The following ADGRL2 variants were observed in gnomAD, a reference collection of about 807,000 sequenced individuals.
The protein encoded by ADGRL2 is adhesion G protein-coupled receptor L2.
Under a neutral mutation model 157.4 loss-of-function variants are expected in ADGRL2, and 44 were observed. That is an observed-to-expected ratio of 0.28 (90% CI 0.22 to 0.36). The LOEUF (loss-of-function observed/expected upper bound fraction) is 0.36, where lower values mean the gene tolerates loss of function less well. ADGRL2 is among the 10% of genes least tolerant of loss of function. The probability of loss-of-function intolerance (pLI) is 1.00; values close to 1 mark genes in which losing one functional copy is unlikely to be tolerated. For missense variants in ADGRL2, 1,510 were observed against 1,768.9 expected (o/e 0.85, Z 2.63); for synonymous variants, 585 against 624.7 (o/e 0.94, Z 0.95).
At chr1:81,748,649 C>T (rs143083872) in intron 1 of ADGRL2, among the ~76,000 whole-genome samples, 4 of 146,694 alleles carry the variant, frequency 2.7e-5, no homozygotes, top group Admixed American at 2.0e-4. Context: ...TCTCTTATTT[C>T]TCATTCATTC....
At chr1:81,547,042 G>A (rs1451274003) in intron 2 of ADGRL2, among the ~76,000 whole-genome samples, 1 of 152,122 alleles carries the variant, frequency 6.6e-6, no homozygotes, top group Non-Finnish European at 1.5e-5. Flanking sequence ...TGAAAATAAT[G>A]ATTCCCAACT....
At chr1:81,739,404 A>G (rs1447331090) in intron 1 of ADGRL2, among the ~76,000 whole-genome samples, 1 of 152,222 alleles carries the variant, frequency 6.6e-6, no homozygotes, top group Non-Finnish European at 1.5e-5. Context: ...TAAATTATTC[A>G]TGGTTTGACA....
chr1:81,651,792 G>T (rs1166934976), intron 3 of ADGRL2, among the ~76,000 whole-genome samples: 1 of 152,114 alleles, frequency 6.6e-6, no homozygotes, highest in East Asian at 1.9e-4. Context: ...ACGTGCAAGT[G>T]GTGCAATCAT....
chr1:81,653,320 G>GTT (rs375033003), intron 3 of ADGRL2, among the ~76,000 whole-genome samples: 1,603 of 135,394 alleles, frequency 0.012, 19 homozygotes, highest in South Asian at 0.027. Context: ...AACCTTTAGG[G>GTT]TTTTTTTTTT....
At chr1:81,827,301 G>T (rs141969967) in intron 1 of ADGRL2, among the ~76,000 whole-genome samples, 1 of 152,152 alleles carries the variant, frequency 6.6e-6, no homozygotes, top group African/African-American at 2.4e-5. Context: ...TAGCTATGGT[G>T]ACAGGAATTT....
chr1:81,600,773 G>A (rs1243253380), intron 3 of ADGRL2, among the ~76,000 whole-genome samples: 1 of 152,198 alleles, frequency 6.6e-6, no homozygotes, highest in African/African-American at 2.4e-5. Flanking sequence ...TAGTGGTGTA[G>A]CTGGAGGACC....
At chr1:81,955,070 A>T (rs1241429047) in intron 10 of ADGRL2, among the ~76,000 whole-genome samples, 1 of 152,194 alleles carries the variant, frequency 6.6e-6, no homozygotes, top group African/African-American at 2.4e-5. Flanking sequence ...TAACTGAGTT[A>T]TATTTTATTT....
Position 81,990,393 on chromosome 1 carries a change from C to A in ADGRL2, c.3658C>A (p.His1220Asn). ...NSPATYRETR[H>N]SLNNARDTSA... Reference sequence around the variant, plus strand: ...TAACTCCCCCTCTTCTGTTTCAGGACATTCACTGAACAATGCCAGGGATAC... The same window carrying A: ...TAACTCCCCCTCTTCTGTTTCAGGAAATTCACTGAACAATGCCAGGGATAC... Residue 1220 changes from histidine to asparagine, a missense_variant and splice_region_variant, in exon 24 of 24, where the codon CAT (histidine) becomes AAT (asparagine). This residue lies in a region of ADGRL2 where 327 missense variants were observed against 310.1 expected (regional missense o/e 1.05). Coordinates refer to ENST00000686636, the MANE Select transcript of ADGRL2 (RefSeq NM_001366006.2). 4 of 1,611,510 alleles carry A rather than the reference C, an allele frequency of 2.5e-6. No individual in the cohort carries two copies. The highest frequency in any genetic ancestry group is 3.4e-6 in the Non-Finnish European group (4 of 1,178,170).
chr1:81,909,515 G>A (rs979672864), intron 3 of ADGRL2, among the ~76,000 whole-genome samples: 1 of 152,098 alleles, frequency 6.6e-6, no homozygotes, highest in African/African-American at 2.4e-5. Context: ...ACACTTTCTG[G>A]CTTTTCTTCC....
chr1:81,479,768 C>G (rs1007980224), intron 2 of ADGRL2, among the ~76,000 whole-genome samples: 10 of 152,120 alleles, frequency 6.6e-5, no homozygotes, highest in Non-Finnish European at 1.5e-4. Context: ...GATTTTACAT[C>G]TGAGCGAATT....
chr1:81,544,434 G>T (rs1326762079), intron 2 of ADGRL2, among the ~76,000 whole-genome samples: 1 of 151,866 alleles, frequency 6.6e-6, no homozygotes, highest in African/African-American at 2.4e-5. Flanking sequence ...TTATGTCTTC[G>T]AATCTAGGAA....
At chr1:81,977,441 A>T (rs1382622093) in intron 17 of ADGRL2, among the ~76,000 whole-genome samples, 1 of 151,784 alleles carries the variant, frequency 6.6e-6, no homozygotes, top group Non-Finnish European at 1.5e-5. Context: ...ACTTTATCAT[A>T]CTTAAGTCTT....
At chr1:81,980,012 C>T in intron 18 of ADGRL2, 52 bp downstream of exon 18, 2 of 992,986 alleles carry the variant, frequency 2.0e-6, no homozygotes, top group South Asian at 1.3e-5. Context: ...GTAAAAGATA[C>T]TCTCCACAGG....
chr1:81,993,071 ATATATATATATATATATTTT>A lies in ADGRL2; in HGVS notation c.*1928_*1947del, dbSNP rs1664837861. ...ATATATAATATACATATATATATAT[ATATATATATATATATATTTT>A]TTTTTTTTTTTTTTTTTTTTTTTTT... On this transcript the variant is annotated 3_prime_UTR_variant, in exon 24 of 24. Coordinates refer to ENST00000686636, the MANE Select transcript of ADGRL2 (RefSeq NM_001366006.2). 3.4e-5 allele frequency among the ~76,000 whole-genome samples: 1 copy of A among 29,486 alleles called. No homozygotes were observed. The highest frequency in any genetic ancestry group is 1.4e-3 in the South Asian group (1 of 728). The allele number at this position is 29,486 out of a possible 152,430, so 19.3% of individuals were successfully genotyped here. A position where few individuals can be genotyped will look rare whatever the true frequency, so the allele number is the denominator to read the frequency against.
chr1:81,478,780 G>A (rs912307883), intron 2 of ADGRL2, among the ~76,000 whole-genome samples: 1 of 151,984 alleles, frequency 6.6e-6, no homozygotes, highest in Non-Finnish European at 1.5e-5. Context: ...CATTTTTGGT[G>A]ATGCTTGTTG....
At chr1:81,641,535 T>G (rs1015767371) in intron 3 of ADGRL2, among the ~76,000 whole-genome samples, 12 of 151,716 alleles carry the variant, frequency 7.9e-5, no homozygotes, top group African/African-American at 2.9e-4. Context: ...AGCTGGAAAA[T>G]CCCCCAAAAA....
At chr1:81,365,745 A>G (rs1003041293) in intron 1 of ADGRL2, among the ~76,000 whole-genome samples, 4 of 152,168 alleles carry the variant, frequency 2.6e-5, no homozygotes, top group Admixed American at 6.5e-5. Flanking sequence ...CACTTATTCA[A>G]CCTTAGTTGA....
At chr1:81,563,971 T>C (rs867599759) in intron 2 of ADGRL2, among the ~76,000 whole-genome samples, 4 of 152,228 alleles carry the variant, frequency 2.6e-5, no homozygotes, top group Non-Finnish European at 5.9e-5. Flanking sequence ...TGTAGGTAGA[T>C]TCTTTTACAG....
At chr1:81,413,698 T>A (rs2076987067) in intron 1 of ADGRL2, among the ~76,000 whole-genome samples, 2 of 152,216 alleles carry the variant, frequency 1.3e-5, no homozygotes. Context: ...AGTTCACTGA[T>A]TTTTGTCAAG....
Sources: gnomAD v4.1 joint callset for allele counts (sites outside exome capture counted in the v4.1 genomes callset) on GRCh38, gnomAD v4.1.1 for gene constraint, gnomAD v4.1.1 regional missense constraint, MANE v1.5 for transcripts, NCBI Gene and HGNC (gene_info 2026-07-23, HGNC 2026-07-21) for gene names.